The following TANC1 variants were observed in gnomAD, a reference collection of about 807,000 sequenced individuals.
The protein encoded by TANC1 is tetratricopeptide repeat, ankyrin repeat and coiled-coil containing 1.
In TANC1, 77 loss-of-function variants were observed where a neutral mutation model predicts 149.7. That is an observed-to-expected ratio of 0.51 (90% CI 0.43 to 0.62). TANC1 has a LOEUF of 0.62. TANC1 is among the 20% of genes least tolerant of loss of function. The pLI is 0.00. For missense variants in TANC1, 1,985 were observed against 2,321.8 expected (o/e 0.85, Z 2.98); for synonymous variants, 854 against 925.0 (o/e 0.92, Z 1.39).
chr2:159,220,276 C>CT (rs201091730), intron 22 of TANC1, among the ~76,000 whole-genome samples: 12,686 of 143,516 alleles, frequency 0.088, 1,113 homozygotes, highest in East Asian at 0.23. Context: ...TACCTGGTTG[C>CT]TTTTTTTTTT....
intron 5 of TANC1, among the ~76,000 whole-genome samples, chr2:159,142,346 G>A (rs1392953026): frequency 6.6e-6 from 1 of 152,212 alleles, no homozygotes; most frequent in African/African-American, 2.4e-5. Flanking sequence ...TTGCACTGAT[G>A]CTGCAAAAGC....
intron 23 of TANC1, 65 bp from the exon 24 acceptor site, chr2:159,225,623 C>T (rs575623168): frequency 2.2e-5 from 29 of 1,329,650 alleles, no homozygotes; most frequent in Admixed American, 8.6e-5. Flanking sequence ...CGTGGGGCCA[C>T]GGAGGAATTG....
At chr2:159,105,216 G>A (rs1215878546) in intron 4 of TANC1, among the ~76,000 whole-genome samples, 13 of 150,520 alleles carry the variant, frequency 8.6e-5, no homozygotes, top group Admixed American at 8.6e-4. Context: ...GGATGGTCTC[G>A]ATCTCCTGAT....
chr2:159,039,061 T>C (rs1336869645), intron 2 of TANC1, among the ~76,000 whole-genome samples: 1 of 152,214 alleles, frequency 6.6e-6, no homozygotes, highest in African/African-American at 2.4e-5. Flanking sequence ...ACTCAACTTC[T>C]TCCTGGTTTA....
Position 159,178,854 on chromosome 2 carries a change from C to G in TANC1, c.2201C>G (p.Ser734Cys), listed in dbSNP as rs146928523. Residue 734 changes from serine (S) to cysteine (C), a missense_variant, in exon 14 of 27, where the codon TCT (serine) becomes TGT (cysteine). Coordinates refer to ENST00000263635, the MANE Select transcript of TANC1 (RefSeq NM_033394.3). Reference protein sequence around the residue: ...ASYKVVPVSLSELYLLQCNMK... With the variant: ...ASYKVVPVSLCELYLLQCNMK... Reference sequence around the variant, plus strand: ...TACAAGGTGGTGCCCGTGTCTCTCTCTGAGCTCTATTTGCTTCAGTGCAAC... The same window carrying G: ...TACAAGGTGGTGCCCGTGTCTCTCTGTGAGCTCTATTTGCTTCAGTGCAAC... 1.3e-5 allele frequency: 21 copies of G among 1,614,200 alleles called. No individual in the cohort carries two copies. Among genetic ancestry groups the G allele is most frequent in the African/African-American group, 4.0e-5 (3 of 75,040 alleles).
Position 159,097,343 on chromosome 2 carries a change from T to A in TANC1, c.62-294T>A, listed in dbSNP as rs1338218213. 2.0e-5 allele frequency among the ~76,000 whole-genome samples: 3 copies of A among 152,328 alleles called. No individual in the cohort carries two copies. In the East Asian group the frequency reaches 5.8e-4, roughly 29 times the overall value. On this transcript the variant is annotated intron_variant, in intron 3 of 26. Coordinates refer to ENST00000263635, the MANE Select transcript of TANC1 (RefSeq NM_033394.3). ...AAAGCTTCTTGTGGATCATTCATAC[T>A]TGACCTTGATCTAATCCCAGATCAG...
At chr2:159,018,023 AC>A in intron 2 of TANC1, among the ~76,000 whole-genome samples, 1 of 152,314 alleles carries the variant, frequency 6.6e-6, no homozygotes, top group East Asian at 1.9e-4. Context: ...CTGTTATAGA[AC>A]AGGCGTGAAT....
chr2:159,017,846 C>T (rs913223245), intron 2 of TANC1, among the ~76,000 whole-genome samples: 1 of 151,940 alleles, frequency 6.6e-6, no homozygotes, highest in African/African-American at 2.4e-5. Flanking sequence ...GCATATTCTG[C>T]ACATGTATCC....
At chr2:158,974,316 T>C (rs1380150068) in intron 1 of TANC1, among the ~76,000 whole-genome samples, 1 of 152,246 alleles carries the variant, frequency 6.6e-6, no homozygotes, top group Non-Finnish European at 1.5e-5. Flanking sequence ...CCTTGATACC[T>C]ATGGAAGATT....
chr2:159,137,712 CAA>C (rs1221594724), intron 5 of TANC1, among the ~76,000 whole-genome samples: 1 of 152,184 alleles, frequency 6.6e-6, no homozygotes, highest in Admixed American at 6.5e-5. Context: ...TATCAGTCAT[CAA>C]ATGTCTAAGC....
intron 8 of TANC1, among the ~76,000 whole-genome samples, chr2:159,165,463 G>A (rs2054492990): frequency 6.6e-6 from 1 of 152,182 alleles, no homozygotes; most frequent in Non-Finnish European, 1.5e-5. Context: ...CGTGAGCAAA[G>A]GCCTATTTCA....
intron 2 of TANC1, among the ~76,000 whole-genome samples, chr2:159,023,037 A>G (rs1476568614): frequency 6.6e-6 from 1 of 152,202 alleles, no homozygotes; most frequent in African/African-American, 2.4e-5. Context: ...ATAAGATAGT[A>G]TACTAAGGAT....
At chr2:159,223,717 A>C (rs2059840677) in intron 22 of TANC1, among the ~76,000 whole-genome samples, 1 of 151,962 alleles carries the variant, frequency 6.6e-6, no homozygotes, top group Non-Finnish European at 1.5e-5. Flanking sequence ...TGCCATCTTT[A>C]CTCTCCCAAT....
intron 5 of TANC1, among the ~76,000 whole-genome samples, chr2:159,145,748 C>T (rs2052000887): frequency 1.3e-5 from 2 of 152,152 alleles, no homozygotes; most frequent in Non-Finnish European, 2.9e-5. Flanking sequence ...CAGCCTTTCA[C>T]GCTATGTAAT....
chr2:159,132,625 A>G (rs962709724), intron 4 of TANC1, among the ~76,000 whole-genome samples: 1 of 149,076 alleles, frequency 6.7e-6, no homozygotes, highest in African/African-American at 2.5e-5. Flanking sequence ...AGTAGCTGGG[A>G]CTACAGGCAC....
chr2:158,971,910 T>G (rs2032944243), intron 1 of TANC1, among the ~76,000 whole-genome samples: 1 of 152,340 alleles, frequency 6.6e-6, no homozygotes, highest in Middle Eastern at 3.4e-3. Flanking sequence ...TTCTCCCTAG[T>G]CTCTTCTCCT....
intron 4 of TANC1, among the ~76,000 whole-genome samples, chr2:159,105,035 C>T (rs1245174828): frequency 1.1e-5 from 1 of 93,552 alleles, no homozygotes; most frequent in Non-Finnish European, 2.0e-5. Context: ...CGCTCTATTG[C>T]CCAGGCTGGA....
intron 1 of TANC1, among the ~76,000 whole-genome samples, chr2:158,977,188 G>A (rs2033785285): frequency 6.6e-6 from 1 of 151,976 alleles, no homozygotes; most frequent in Non-Finnish European, 1.5e-5. Flanking sequence ...TGCCCAAGCT[G>A]GAGTACAGTG....
intron 24 of TANC1, 31 bp downstream of exon 24, chr2:159,225,810 G>A: frequency 2.0e-6 from 3 of 1,526,392 alleles, no homozygotes; most frequent in Non-Finnish European, 2.7e-6. Context: ...CTTTGCCATT[G>A]AAACTGCCTG....
Sources: allele counts gnomAD v4.1 joint callset (sites outside exome capture counted in the v4.1 genomes callset), GRCh38; gene constraint gnomAD v4.1.1; transcripts MANE v1.5; gene names NCBI Gene and HGNC (gene_info 2026-07-23, HGNC 2026-07-21).